STX8: variants seen among roughly 807,000 people sequenced by gnomAD.
STX8 encodes syntaxin-8.
A neutral mutation model predicts 37.5 loss-of-function variants in STX8; 23 were observed. That is an observed-to-expected ratio of 0.61 (90% CI 0.44 to 0.87). The LOEUF is 0.87. STX8 is among the 40% of genes least tolerant of loss of function. The pLI is 0.00. For synonymous variants in STX8, 115 were observed against 99.1 expected, an observed-to-expected ratio of 1.16 and a Z score of -0.95; for missense variants, 313 against 284.7, an observed-to-expected ratio of 1.10 and a Z score of -0.71.
chr17:9,472,070 C>CAT (rs1567575237), intron 6 of STX8, among the ~76,000 whole-genome samples: 1 of 139,844 alleles, frequency 7.2e-6, no homozygotes. Flanking sequence ...TGGTAGATTC[C>CAT]TTTTTTTTTT....
chr17:9,530,322 A>C (rs973521505), intron 4 of STX8, among the ~76,000 whole-genome samples: 12 of 152,110 alleles, frequency 7.9e-5, no homozygotes, highest in African/African-American at 2.7e-4. Context: ...AAAAAAAAAA[A>C]AAAAAACAGC....
intron 6 of STX8, among the ~76,000 whole-genome samples, chr17:9,478,062 A>T (rs1411540718): frequency 6.6e-6 from 1 of 152,208 alleles, no homozygotes; most frequent in Non-Finnish European, 1.5e-5. Context: ...TCACTGGTGT[A>T]GGTAAGTTTC....
At chr17:9,368,081 C>A (rs576059100) in intron 7 of STX8, among the ~76,000 whole-genome samples, 4 of 152,126 alleles carry the variant, frequency 2.6e-5, no homozygotes, top group African/African-American at 9.7e-5. Flanking sequence ...TAAAAAATTA[C>A]TTGCAGAAAA....
At chr17:9,474,119 T>C (rs1421456098) in intron 6 of STX8, among the ~76,000 whole-genome samples, 2 of 152,072 alleles carry the variant, frequency 1.3e-5, no homozygotes, top group Non-Finnish European at 2.9e-5. Flanking sequence ...AACACATCAG[T>C]GTGCTGGGGC....
chr17:9,521,921 T>A (rs1799470494), intron 4 of STX8, among the ~76,000 whole-genome samples: 2 of 152,202 alleles, frequency 1.3e-5, no homozygotes, highest in Admixed American at 1.3e-4. Flanking sequence ...AAAGCAATCC[T>A]ATTTTTTCCT....
intron 7 of STX8, among the ~76,000 whole-genome samples, chr17:9,334,288 G>C (rs1412494518): frequency 6.6e-6 from 1 of 152,134 alleles, no homozygotes; most frequent in Admixed American, 6.5e-5. Flanking sequence ...GAATCTTGTA[G>C]TCTCCAGCTA....
At chr17:9,294,013 T>C (rs1422357278) in intron 7 of STX8, among the ~76,000 whole-genome samples, 1 of 152,050 alleles carries the variant, frequency 6.6e-6, no homozygotes, top group Non-Finnish European at 1.5e-5. Flanking sequence ...GATCTGCCCG[T>C]CTCGGCCTCC....
intron 6 of STX8, among the ~76,000 whole-genome samples, chr17:9,411,437 G>C (rs1912975119): frequency 6.6e-6 from 1 of 152,124 alleles, no homozygotes; most frequent in Admixed American, 6.5e-5. Flanking sequence ...AAAATCCCTG[G>C]CTATAAAACG....
At chr17:9,443,641 T>C (rs948838965) in intron 6 of STX8, among the ~76,000 whole-genome samples, 6 of 152,150 alleles carry the variant, frequency 3.9e-5, no homozygotes, top group African/African-American at 1.4e-4. Flanking sequence ...GAGGCCAAGG[T>C]AATTTCCAAC....
rs533582728 is a variant in STX8, at chr17:9,569,436, G to C, written c.18-966C>G. 4 of 154,482 alleles carry C rather than the reference G, an allele frequency of 2.6e-5. No homozygotes were observed. In the East Asian group the frequency reaches 7.7e-4, roughly 30 times the overall value. The allele number at this position is 154,482 out of a possible 1,614,324, so 9.6% of individuals were successfully genotyped here. A position where few individuals can be genotyped will look rare whatever the true frequency, so the allele number is the denominator to read the frequency against. Reference sequence around the variant, plus strand: ...TGCCTGGGGGCGGCTCTAGGGTGCAGGAACAGCAAGTATTGTCTAGCCTAA... The same window carrying C: ...TGCCTGGGGGCGGCTCTAGGGTGCACGAACAGCAAGTATTGTCTAGCCTAA... On this transcript the variant is annotated intron_variant, in intron 1 of 7. Transcript: ENST00000306357.
At chr17:9,303,496 C>T (rs1400475612) in intron 7 of STX8, among the ~76,000 whole-genome samples, 1 of 152,072 alleles carries the variant, frequency 6.6e-6, no homozygotes, top group African/African-American at 2.4e-5. Context: ...AGTATTAACA[C>T]TGATAAATAG....
chr17:9,304,630 G>GT (rs2142182351), intron 7 of STX8, among the ~76,000 whole-genome samples: 1 of 151,906 alleles, frequency 6.6e-6, no homozygotes, highest in Admixed American at 6.6e-5. Context: ...TACACAAATG[G>GT]TAATTTCATG....
At chr17:9,398,173 G>A (rs1033777999) in intron 6 of STX8, among the ~76,000 whole-genome samples, 1 of 152,108 alleles carries the variant, frequency 6.6e-6, no homozygotes, top group African/African-American at 2.4e-5. Flanking sequence ...GTGGAAATGG[G>A]GAAGGAGTAA....
intron 4 of STX8, among the ~76,000 whole-genome samples, chr17:9,538,115 C>T (rs575181942): frequency 2.6e-5 from 4 of 152,282 alleles, no homozygotes; most frequent in African/African-American, 9.6e-5. Context: ...CTGTAATATT[C>T]TTGACTGTAC....
At chr17:9,501,139 C>T (rs747102889) in intron 5 of STX8, among the ~76,000 whole-genome samples, 2 of 152,168 alleles carry the variant, frequency 1.3e-5, no homozygotes, top group Non-Finnish European at 2.9e-5. Flanking sequence ...ATCAATTCTC[C>T]TCAAACTAAT....
intron 7 of STX8, among the ~76,000 whole-genome samples, chr17:9,323,305 G>A (rs1437879253): frequency 6.6e-6 from 1 of 151,618 alleles, no homozygotes; most frequent in Non-Finnish European, 1.5e-5. Flanking sequence ...AAAACCTTAG[G>A]GGGAAAAAAT....
rs141888613 is a variant in STX8 at position 9,282,129 on chromosome 17, A to ATGTTT, written c.644-31489_644-31485dup. On this transcript the variant is annotated intron_variant, in intron 7 of 7. Transcript: ENST00000306357. ...TAAATTTTTGTTTGGTACTGATGAC[A>ATGTTT]TGTTTTGTTTTGTTTTGTTTTGAGA... Among the ~76,000 whole-genome samples, 461 of 151,962 alleles carry ATGTTT rather than the reference A, an allele frequency of 3.0e-3. 1 individual carries two copies. The highest frequency in any genetic ancestry group is 0.01 in the African/African-American group (415 of 41,454).
At chr17:9,477,143 G>C (rs1167812592) in intron 6 of STX8, among the ~76,000 whole-genome samples, 1 of 152,066 alleles carries the variant, frequency 6.6e-6, no homozygotes, top group African/African-American at 2.4e-5. Context: ...CAGGCACAAG[G>C]CACCGTGCCC....
At chr17:9,499,923 G>C (rs939786084) in intron 5 of STX8, among the ~76,000 whole-genome samples, 4 of 152,104 alleles carry the variant, frequency 2.6e-5, no homozygotes, top group Non-Finnish European at 5.9e-5. Flanking sequence ...ACCTTCTCCG[G>C]GACGAGCATA....
Sources: allele counts gnomAD v4.1 joint callset (sites outside exome capture counted in the v4.1 genomes callset), GRCh38; gene constraint gnomAD v4.1.1; transcripts MANE v1.5; gene names NCBI Gene and HGNC (gene_info 2026-07-23, HGNC 2026-07-21).